Variants in ZFAND6 observed in about 807,000 individuals in gnomAD.
ZFAND6 encodes the protein AN1-type zinc finger protein 6.
In ZFAND6, 12 loss-of-function variants were observed where a neutral mutation model predicts 24.5. That is an observed-to-expected ratio of 0.49 (90% CI 0.31 to 0.79). ZFAND6 has a LOEUF of 0.79. Ranked by LOEUF, ZFAND6 falls within the 30% of genes least tolerant of loss-of-function variation. ZFAND6 has a pLI of 0.04. For synonymous variants in ZFAND6, 92 were observed against 81.5 expected, an observed-to-expected ratio of 1.13 and a Z score of -0.69; for missense variants, 207 against 245.9, an observed-to-expected ratio of 0.84 and a Z score of 1.06.
At chr15:80,086,866 T>G (rs754680290) in intron 1 of ZFAND6, among the ~76,000 whole-genome samples, 9 of 152,356 alleles carry the variant, frequency 5.9e-5, no homozygotes, top group South Asian at 4.1e-4. Context: ...TTTCTGTCAC[T>G]GTGAGTTTGA....
chr15:80,122,765 T>C lies in ZFAND6; in HGVS notation c.329T>C (p.Val110Ala). The change falls in exon 5 of 7, where the codon GTG becomes GCG. Residue 110 changes from valine (V) to alanine (A), a missense_variant. This residue lies in a region of ZFAND6 where 133 missense variants were observed against 122.8 expected (regional missense o/e 1.08). Coordinates refer to ENST00000261749, the MANE Select transcript of ZFAND6 (RefSeq NM_019006.4). The stretch of plus-strand genomic sequence containing the variant: ...TCTTCTCAATTGGACAGTACATCTG[T>C]GGACAAAGCAGTACCTGAAACAGAA... ...VASSQLDSTS[V>A]DKAVPETEDV... 1.9e-6 allele frequency: 3 copies of C among 1,613,596 alleles called. No individual in the cohort carries two copies. Among genetic ancestry groups the C allele is most frequent in the Non-Finnish European group, 1.7e-6 (2 of 1,179,736 alleles).
chr15:80,104,259 G>A (rs991350318), intron 2 of ZFAND6, among the ~76,000 whole-genome samples: 6 of 152,144 alleles, frequency 3.9e-5, no homozygotes, highest in Non-Finnish European at 7.4e-5. Context: ...GGCGGTTCAC[G>A]CCTTATAATC....
At chr15:80,117,878 A>G (rs1023671712) in intron 2 of ZFAND6, among the ~76,000 whole-genome samples, 1 of 152,066 alleles carries the variant, frequency 6.6e-6, no homozygotes. Context: ...GCATTTGTCC[A>G]TATGGTGAAA....
chr15:80,070,910 C>T (rs1419379144), intron 1 of ZFAND6, among the ~76,000 whole-genome samples: 1 of 152,050 alleles, frequency 6.6e-6, no homozygotes, highest in African/African-American at 2.4e-5. Context: ...TTCTGTACCT[C>T]CTCTGCTTCC....
At chr15:80,100,477 T>G (rs539529088) in intron 2 of ZFAND6, among the ~76,000 whole-genome samples, 1 of 150,488 alleles carries the variant, frequency 6.6e-6, no homozygotes, top group Non-Finnish European at 1.5e-5. Context: ...CAAATTTCTT[T>G]TTATCTCTCT....
chr15:80,112,758 T>C, intron 2 of ZFAND6: 1 of 456,028 alleles, frequency 2.2e-6, no homozygotes, highest in Non-Finnish European at 4.4e-6. Flanking sequence ...TCATGTCTCT[T>C]TATTACCCAT....
At chr15:80,097,972 C>T (rs1054342905) in intron 1 of ZFAND6, among the ~76,000 whole-genome samples, 1 of 152,086 alleles carries the variant, frequency 6.6e-6, no homozygotes. Flanking sequence ...AAAATGTCAG[C>T]AACATGGCTC....
chr15:80,127,916 A>G (rs1198495171), intron 5 of ZFAND6, among the ~76,000 whole-genome samples: 1 of 152,244 alleles, frequency 6.6e-6, no homozygotes, highest in African/African-American at 2.4e-5. Context: ...ATTATCTATA[A>G]TAAAAAATAG....
At chr15:80,118,161 G>A (rs1039381567) in intron 2 of ZFAND6, among the ~76,000 whole-genome samples, 4 of 151,944 alleles carry the variant, frequency 2.6e-5, no homozygotes, top group Non-Finnish European at 5.9e-5. Context: ...TTGCTCTGTT[G>A]CCCAGGCTGG....
chr15:80,120,490 G>A lies in ZFAND6; in HGVS notation c.146G>A (p.Ser49Asn). 6.5e-7 allele frequency: 1 copy of A among 1,533,848 alleles called. No individual in the cohort carries two copies. Among genetic ancestry groups the A allele is most frequent in the Admixed American group, 1.9e-5 (1 of 53,046 alleles). The change falls in exon 3 of 7, where the codon AGC (serine) becomes AAC (asparagine). Residue 49 changes from serine (S) to asparagine (N), a missense_variant. By Grantham distance (46) the Ser-to-Asn change is conservative. Around this residue, in one of 3 missense-constraint regions of ZFAND6, gnomAD observed 133 missense variants for 122.8 expected, o/e 1.08. Transcript: ENST00000261749. ...QRQNSSNGRI[S>N]PPATSVSSLS... ...CAGAATAGTAGTAATGGTAGAATAA[G>A]CCCACCTGGTAAGTAATTCTAGTGA...
chr15:80,070,524 C>G (rs556324545), intron 1 of ZFAND6, among the ~76,000 whole-genome samples: 1 of 152,232 alleles, frequency 6.6e-6, no homozygotes, highest in Admixed American at 6.5e-5. Flanking sequence ...TTAATTTTAA[C>G]CTGTTTGCTA....
chr15:80,091,875 A>G (rs1227986464), intron 1 of ZFAND6, among the ~76,000 whole-genome samples: 2 of 152,122 alleles, frequency 1.3e-5, no homozygotes, highest in East Asian at 1.9e-4. Context: ...CCTGACCTCA[A>G]GCGATCCTCT....
chr15:80,097,073 C>G (rs913468356), intron 1 of ZFAND6, among the ~76,000 whole-genome samples: 2 of 150,340 alleles, frequency 1.3e-5, no homozygotes, highest in African/African-American at 4.9e-5. Flanking sequence ...GATCTCAGCA[C>G]ACTGCAACCT....
chr15:80,125,274 C>T (rs1176940461), intron 5 of ZFAND6, among the ~76,000 whole-genome samples: 1 of 152,114 alleles, frequency 6.6e-6, no homozygotes, highest in Non-Finnish European at 1.5e-5. Flanking sequence ...GTAGGATCAA[C>T]TCGTTTAGCA....
At chr15:80,135,216 T>G (rs1346355369) in intron 6 of ZFAND6, among the ~76,000 whole-genome samples, 5 of 152,218 alleles carry the variant, frequency 3.3e-5, no homozygotes, top group Admixed American at 2.6e-4. Context: ...AACATTTCCT[T>G]TTCTCTAGCT....
chr15:80,078,124 C>T (rs902331755), intron 1 of ZFAND6, among the ~76,000 whole-genome samples: 2 of 152,158 alleles, frequency 1.3e-5, no homozygotes, highest in Non-Finnish European at 2.9e-5. Flanking sequence ...AATTGCATGT[C>T]ACTGTGGTTT....
At chr15:80,105,442 T>C (rs1187570159) in intron 2 of ZFAND6, among the ~76,000 whole-genome samples, 1 of 152,160 alleles carries the variant, frequency 6.6e-6, no homozygotes, top group Non-Finnish European at 1.5e-5. Flanking sequence ...GCAGCTACTA[T>C]TAAATAGTGG....
chr15:80,131,565 A>G (rs2040604416), intron 6 of ZFAND6: 1 of 418,306 alleles, frequency 2.4e-6, no homozygotes, highest in Non-Finnish European at 4.2e-6. Flanking sequence ...TGAAAGGTCA[A>G]AGATGTGGCT....
At chr15:80,121,648 T>C in intron 3 of ZFAND6, 64 bp from the exon 4 acceptor site, 1 of 1,375,022 alleles carries the variant, frequency 7.3e-7, no homozygotes, top group Non-Finnish European at 1.0e-6. Context: ...TTTGATTTTT[T>C]TAGATAAGGT....
Sources: allele counts gnomAD v4.1 joint callset (sites outside exome capture counted in the v4.1 genomes callset), GRCh38; gene constraint gnomAD v4.1.1; regional missense constraint gnomAD v4.1.1; transcripts MANE v1.5; gene names NCBI Gene and HGNC (gene_info 2026-07-23, HGNC 2026-07-21).